SPAG16: variants seen among roughly 807,000 people sequenced by gnomAD.
SPAG16 encodes the protein sperm-associated antigen 16 protein.
A neutral mutation model predicts 80.4 loss-of-function variants in SPAG16; 86 were observed. The observed-to-expected ratio is 1.07, with a 90% CI of 0.90 to 1.28. The LOEUF (loss-of-function observed/expected upper bound fraction) is 1.28, where lower values mean the gene tolerates loss of function less well. Ranked by LOEUF, SPAG16 falls within the 50% of genes most tolerant of loss-of-function variation. The pLI, the probability that SPAG16 is intolerant of heterozygous loss-of-function variation, is 0.00. For synonymous variants in SPAG16, 294 were observed against 265.9 expected (o/e 1.11, Z -1.03); for missense variants, 870 against 765.3 (o/e 1.14, Z -1.61).
intron 9 of SPAG16, among the ~76,000 whole-genome samples, chr2:213,468,346 T>C (rs1035968770): frequency 1.3e-4 from 19 of 148,480 alleles, no homozygotes; most frequent in African/African-American, 4.7e-4. Context: ...GGGACAGAAC[T>C]AATAGGAGAT....
chr2:213,698,355 G>C (rs182087839), intron 10 of SPAG16, among the ~76,000 whole-genome samples: 1 of 152,000 alleles, frequency 6.6e-6, no homozygotes, highest in Admixed American at 6.6e-5. Context: ...CTAACCTCCC[G>C]GGCTCAAGTA....
At chr2:214,328,411 C>T (rs968846537) in intron 15 of SPAG16, among the ~76,000 whole-genome samples, 4 of 152,216 alleles carry the variant, frequency 2.6e-5, no homozygotes, top group Non-Finnish European at 5.9e-5. Context: ...GATCCACCCG[C>T]CTCGGCCTCC....
rs72939301 is a variant in SPAG16, at chr2:213,841,008, T to A, written c.1071-21477T>A. Among the ~76,000 whole-genome samples, 289 of 152,334 alleles carry A rather than the reference T, an allele frequency of 1.9e-3. 1 individual carries two copies. The highest frequency in any genetic ancestry group is 3.4e-3 in the Non-Finnish European group (234 of 68,026). On this transcript the variant is annotated intron_variant, in intron 10 of 15. Coordinates refer to ENST00000331683, the MANE Select transcript of SPAG16 (RefSeq NM_024532.5). Reference sequence around the variant, plus strand: ...GCCTCTGCTGGTGTCTGAAATAGACTTCATGGCTCTGGAGAAGTTCATTTA... The same window carrying A: ...GCCTCTGCTGGTGTCTGAAATAGACATCATGGCTCTGGAGAAGTTCATTTA...
chr2:213,432,880 G>C (rs2070390795), intron 9 of SPAG16, among the ~76,000 whole-genome samples: 1 of 152,060 alleles, frequency 6.6e-6, no homozygotes. Context: ...ATATCCAAGA[G>C]CACTCCAAAA....
At chr2:213,373,636 G>A (rs1425975693) in intron 8 of SPAG16, among the ~76,000 whole-genome samples, 2 of 152,058 alleles carry the variant, frequency 1.3e-5, no homozygotes, top group Non-Finnish European at 2.9e-5. Context: ...CATGAGATCT[G>A]CTTATATTCC....
chr2:213,435,137 A>G (rs2070548037), intron 9 of SPAG16, among the ~76,000 whole-genome samples: 1 of 152,246 alleles, frequency 6.6e-6, no homozygotes, highest in Non-Finnish European at 1.5e-5. Flanking sequence ...ATGGAATACT[A>G]TTCAGCCATA....
chr2:213,345,927 G>T lies in SPAG16; in HGVS notation c.645-4601G>T, dbSNP rs375037235. 8.8e-4 allele frequency among the ~76,000 whole-genome samples: 134 copies of T among 152,266 alleles called. 3 individuals are homozygous for T. The South Asian group carries it at 0.027, about 31-fold the overall frequency. The stretch of plus-strand genomic sequence containing the variant: ...TTCCAGTTCTGTGAAGAAAGTCATG[G>T]GTAGCCTGATAGGGATGGCATTGAA... On this transcript the variant is annotated intron_variant, in intron 6 of 15. Coordinates refer to ENST00000331683, the MANE Select transcript of SPAG16 (RefSeq NM_024532.5).
chr2:214,234,139 T>A (rs1358143889), intron 15 of SPAG16, among the ~76,000 whole-genome samples: 2 of 152,172 alleles, frequency 1.3e-5, no homozygotes, highest in Non-Finnish European at 2.9e-5. Context: ...AGATGTGGTA[T>A]TTGGTTTTCT....
At chr2:213,445,264 A>G (rs2071222640) in intron 9 of SPAG16, among the ~76,000 whole-genome samples, 1 of 152,264 alleles carries the variant, frequency 6.6e-6, no homozygotes, top group African/African-American at 2.4e-5. Flanking sequence ...AACTGACAAG[A>G]GATTAATAAC....
chr2:213,896,613 C>CACACACAT lies in SPAG16; in HGVS notation c.1215-33344_1215-33343insCACATACA, dbSNP rs372791800. ...ACACGCACACACACACACACACACA[C>CACACACAT]ACATAGATATGTACATATATATGAT... On this transcript the variant is annotated intron_variant, in intron 11 of 15. Coordinates refer to ENST00000331683, the MANE Select transcript of SPAG16 (RefSeq NM_024532.5). 4.9e-3 allele frequency among the ~76,000 whole-genome samples: 699 copies of CACACACAT among 141,528 alleles called. 12 individuals are homozygous for CACACACAT. The highest frequency in any genetic ancestry group is 0.018 in the African/African-American group (679 of 38,654). 92.8% of individuals were successfully genotyped at this position (141,528 alleles called of 152,430 possible).
At chr2:213,476,763 T>C (rs1430449329) in intron 9 of SPAG16, among the ~76,000 whole-genome samples, 5 of 152,146 alleles carry the variant, frequency 3.3e-5, no homozygotes, top group Non-Finnish European at 5.9e-5. Flanking sequence ...TTTCTCTCTC[T>C]TAGCTCAGGT....
chr2:213,455,894 C>G (rs1031562164), intron 9 of SPAG16, among the ~76,000 whole-genome samples: 2 of 152,184 alleles, frequency 1.3e-5, no homozygotes, highest in Non-Finnish European at 2.9e-5. Flanking sequence ...GACACACAGA[C>G]CTTGTATCCA....
intron 12 of SPAG16, among the ~76,000 whole-genome samples, chr2:213,979,465 G>C (rs1215424888): frequency 6.6e-6 from 1 of 151,964 alleles, no homozygotes; most frequent in Non-Finnish European, 1.5e-5. Context: ...TGCATTGCTG[G>C]GGAGGCCTCA....
intron 11 of SPAG16, among the ~76,000 whole-genome samples, chr2:213,906,534 C>T (rs1163574208): frequency 6.6e-6 from 1 of 152,046 alleles, no homozygotes; most frequent in Non-Finnish European, 1.5e-5. Flanking sequence ...TTGCAGAGAA[C>T]ACAAAAGAGC....
intron 10 of SPAG16, among the ~76,000 whole-genome samples, chr2:213,675,488 A>G (rs571889241): frequency 6.6e-6 from 1 of 152,126 alleles, no homozygotes; most frequent in Non-Finnish European, 1.5e-5. Flanking sequence ...GGTAATGCCT[A>G]GGTTTTCTTC....
At chr2:213,526,610 A>G (rs1256979269) in intron 10 of SPAG16, among the ~76,000 whole-genome samples, 2 of 152,128 alleles carry the variant, frequency 1.3e-5, no homozygotes, top group African/African-American at 2.4e-5. Context: ...TCTTTGTTGA[A>G]TCCCACTTTC....
intron 10 of SPAG16, among the ~76,000 whole-genome samples, chr2:213,694,042 C>CAAAAAAAA (rs68152101): frequency 7.4e-5 from 9 of 121,368 alleles, no homozygotes; most frequent in African/African-American, 2.6e-4. Flanking sequence ...TTATGCAAGA[C>CAAAAAAAA]AAAAAAAAAA....
intron 15 of SPAG16, among the ~76,000 whole-genome samples, chr2:214,356,849 T>C (rs1698838693): frequency 1.3e-5 from 2 of 152,046 alleles, no homozygotes; most frequent in Admixed American, 1.3e-4. Context: ...ATGATTACTA[T>C]GTGGTTGTCT....
At chr2:213,986,878 G>C (rs2046030929) in intron 12 of SPAG16, among the ~76,000 whole-genome samples, 1 of 114,988 alleles carries the variant, frequency 8.7e-6, no homozygotes, top group Non-Finnish European at 1.6e-5. Flanking sequence ...CAATTTGTCT[G>C]CCTCTGGTAT....
Sources: allele counts gnomAD v4.1 joint callset (sites outside exome capture counted in the v4.1 genomes callset), GRCh38; gene constraint gnomAD v4.1.1; transcripts MANE v1.5; gene names NCBI Gene and HGNC (gene_info 2026-07-23, HGNC 2026-07-21).